CSMD1: variants seen among roughly 807,000 people sequenced by gnomAD.
CSMD1 encodes the protein CUB and sushi domain-containing protein 1.
Under a neutral mutation model 417.5 loss-of-function variants are expected in CSMD1, and 213 were observed. That is an observed-to-expected ratio of 0.51 (90% CI 0.46 to 0.57). CSMD1 has a LOEUF of 0.57. CSMD1 is among the 20% of genes least tolerant of loss of function. The pLI is 0.00. For synonymous variants in CSMD1, 2,862 were observed against 1,736.8 expected, an observed-to-expected ratio of 1.65 and a Z score of -16.11; for missense variants, 6,923 against 4,529.7, an observed-to-expected ratio of 1.53 and a Z score of -15.17.
At chr8:4,920,294 G>C (rs1354908990) in intron 1 of CSMD1, among the ~76,000 whole-genome samples, 4 of 151,616 alleles carry the variant, frequency 2.6e-5, no homozygotes, top group African/African-American at 9.7e-5. Flanking sequence ...ATCCAAGGCA[G>C]TTCAAGATAA....
chr8:3,248,506 T>A (rs773017068), intron 26 of CSMD1, among the ~76,000 whole-genome samples: 1 of 146,298 alleles, frequency 6.8e-6, no homozygotes, highest in Non-Finnish European at 1.5e-5. Flanking sequence ...CAGGTACGCC[T>A]GTAATCAATT....
chr8:3,167,725 T>C (rs960603383), intron 37 of CSMD1, among the ~76,000 whole-genome samples: 1 of 152,206 alleles, frequency 6.6e-6, no homozygotes. Flanking sequence ...AGTGTCCTAA[T>C]TTGACCAAAA....
intron 2 of CSMD1, among the ~76,000 whole-genome samples, chr8:4,566,692 G>A (rs2617060): frequency 0.84 from 122,223 of 145,152 alleles, 51,526 homozygotes; most frequent in Non-Finnish European, 0.87. Context: ...AGCTAGTTTT[G>A]GTATAATTTT....
chr8:4,385,743 A>T (rs1481868399), intron 3 of CSMD1, among the ~76,000 whole-genome samples: 4 of 152,192 alleles, frequency 2.6e-5, no homozygotes, highest in African/African-American at 9.7e-5. Context: ...AAATTATAAA[A>T]ATCTAAAGAG....
chr8:4,099,278 G>A (rs547605203), intron 3 of CSMD1, among the ~76,000 whole-genome samples: 5 of 151,136 alleles, frequency 3.3e-5, no homozygotes, highest in South Asian at 2.1e-4. Context: ...TACTTTCATC[G>A]CCTCTATCCT....
At chr8:4,661,489 G>C (rs1411620603) in intron 1 of CSMD1, among the ~76,000 whole-genome samples, 1 of 152,118 alleles carries the variant, frequency 6.6e-6, no homozygotes, top group Non-Finnish European at 1.5e-5. Flanking sequence ...TTAGGCGGTG[G>C]GGTCAGGAGG....
chr8:3,507,612 T>A (rs138955395), intron 10 of CSMD1, among the ~76,000 whole-genome samples: 1 of 152,042 alleles, frequency 6.6e-6, no homozygotes, highest in Non-Finnish European at 1.5e-5. Flanking sequence ...CTAGTTTACA[T>A]TCCCACCAAC....
At chr8:3,365,936 C>T (rs1348999009) in intron 20 of CSMD1, among the ~76,000 whole-genome samples, 2 of 152,176 alleles carry the variant, frequency 1.3e-5, no homozygotes, top group African/African-American at 4.8e-5. Context: ...GTGGGGCAAG[C>T]AAACTTTCTA....
chr8:4,047,644 G>A (rs778503649), intron 3 of CSMD1, among the ~76,000 whole-genome samples: 5 of 152,042 alleles, frequency 3.3e-5, no homozygotes, highest in Non-Finnish European at 5.9e-5. Flanking sequence ...ATCGCCCTCA[G>A]TGAGTATATT....
In CSMD1 at chr8:3,468,806, A is replaced by C; in HGVS notation, c.1467T>G (p.Val489=). ...TGCTCATGCTCACAATGAGGTCAGG[A>C]ACACTGGATCCCGTGAGCCTGCAAG... ...SVLYVLTGSS[V]PDLIVSMSNQ... is the part of the protein sequence containing the mutation. Residue 489 remains valine, a synonymous_variant, in exon 12 of 70, where the codon GTT becomes GTG. Transcript: ENST00000635120. The C allele has an allele frequency of 6.3e-7, 1 of 1,599,890 alleles. No individual in the cohort carries two copies. The highest frequency in any genetic ancestry group is 8.5e-7 in the Non-Finnish European group (1 of 1,173,138).
chr8:4,766,552 T>A (rs1451047440), intron 1 of CSMD1, among the ~76,000 whole-genome samples: 1 of 152,192 alleles, frequency 6.6e-6, no homozygotes, highest in African/African-American at 2.4e-5. Flanking sequence ...AATTGAGAAA[T>A]ATGCTTTCTG....
intron 1 of CSMD1, among the ~76,000 whole-genome samples, chr8:4,686,435 G>A (rs1208300794): frequency 2.6e-5 from 4 of 152,196 alleles, no homozygotes; most frequent in African/African-American, 9.7e-5. Flanking sequence ...CCCCGATGTA[G>A]GCCATAAGTA....
Position 3,714,655 on chromosome 8 carries a change from T to C in CSMD1, c.932-6164A>G, listed in dbSNP as rs192771731. Among the ~76,000 whole-genome samples the C allele has an allele frequency of 1.2e-3, 181 of 151,024 alleles. 1 individual carries two copies. Among genetic ancestry groups the C allele is most frequent in the African/African-American group, 4.3e-3 (175 of 41,166 alleles). Reference sequence around the variant, plus strand: ...GGGAGGCTGAGGAACTAGAATTGCTTGAACCCCGGAGGCAGAGTTTGCAGT... The same window carrying C: ...GGGAGGCTGAGGAACTAGAATTGCTCGAACCCCGGAGGCAGAGTTTGCAGT... On this transcript the variant is annotated intron_variant, in intron 6 of 69. Coordinates refer to ENST00000635120, the MANE Select transcript of CSMD1 (RefSeq NM_033225.6).
intron 3 of CSMD1, among the ~76,000 whole-genome samples, chr8:4,198,285 C>T (rs1445440744): frequency 6.6e-6 from 1 of 152,192 alleles, no homozygotes; most frequent in African/African-American, 2.4e-5. Context: ...GAAGGTAAAC[C>T]CCAGAGAAGT....
chr8:3,666,264 GTCTTA>G (rs113106312), intron 7 of CSMD1, among the ~76,000 whole-genome samples: 24,121 of 151,950 alleles, frequency 0.16, 2,076 homozygotes, highest in South Asian at 0.22. Context: ...TTCCTCACAG[GTCTTA>G]TCTTTTCTTT....
intron 25 of CSMD1, among the ~76,000 whole-genome samples, chr8:3,287,886 G>C (rs7006127): frequency 7.0e-6 from 1 of 142,754 alleles, no homozygotes; most frequent in East Asian, 2.0e-4. Flanking sequence ...GTGCCAGTTT[G>C]CAAAGGGAAT....
chr8:4,235,892 TC>T (rs1386747756), intron 3 of CSMD1, among the ~76,000 whole-genome samples: 3 of 152,112 alleles, frequency 2.0e-5, no homozygotes, highest in Non-Finnish European at 4.4e-5. Context: ...GGCTGACACA[TC>T]CCGTAGCTGA....
chr8:4,326,718 C>G (rs1396534842), intron 3 of CSMD1, among the ~76,000 whole-genome samples: 2 of 151,930 alleles, frequency 1.3e-5, no homozygotes, highest in African/African-American at 2.4e-5. Flanking sequence ...TTGGGTAACA[C>G]CAAATGGGGA....
intron 6 of CSMD1, among the ~76,000 whole-genome samples, chr8:3,719,944 T>C (rs752071924): frequency 1.3e-5 from 2 of 152,156 alleles, no homozygotes; most frequent in Non-Finnish European, 2.9e-5. Context: ...TCCTCGTGTG[T>C]TTAATAAAGA....
Sources: gnomAD v4.1 joint callset for allele counts (sites outside exome capture counted in the v4.1 genomes callset) on GRCh38, gnomAD v4.1.1 for gene constraint, MANE v1.5 for transcripts, NCBI Gene and HGNC (gene_info 2026-07-23, HGNC 2026-07-21) for gene names.